The following STAG1 variants were observed in gnomAD, a reference collection of about 807,000 sequenced individuals.
The protein encoded by STAG1 is STAG1 cohesin complex component, also known as cohesin subunit SA-1.
Under a neutral mutation model 170.9 loss-of-function variants are expected in STAG1, and 26 were observed. The observed-to-expected ratio is 0.15, with a 90% confidence interval of 0.11 to 0.21. The LOEUF (loss-of-function observed/expected upper bound fraction) is 0.21, where lower values mean the gene tolerates loss of function less well. Ranked by LOEUF, STAG1 falls within the 10% of genes least tolerant of loss-of-function variation. The pLI is 1.00. For synonymous variants in STAG1, 514 were observed against 497.7 expected (o/e 1.03, Z -0.44); for missense variants, 964 against 1,509.5 (o/e 0.64, Z 5.99).
At chr3:136,365,158 G>A (rs1004473163) in intron 25 of STAG1, among the ~76,000 whole-genome samples, 5 of 152,058 alleles carry the variant, frequency 3.3e-5, no homozygotes, top group Non-Finnish European at 7.4e-5. Flanking sequence ...CTCACTTTTT[G>A]GAACCAATGA....
chr3:136,563,933 G>A (rs1371480884), intron 5 of STAG1, among the ~76,000 whole-genome samples: 1 of 152,016 alleles, frequency 6.6e-6, no homozygotes, highest in Non-Finnish European at 1.5e-5. Context: ...TGAGGCAGGA[G>A]AACTGCTTGA....
intron 22 of STAG1, among the ~76,000 whole-genome samples, chr3:136,378,067 TACTG>T (rs1937706439): frequency 1.3e-5 from 2 of 152,218 alleles, no homozygotes; most frequent in African/African-American, 4.8e-5. Flanking sequence ...TGACACACAT[TACTG>T]CTAGTAAAGT....
At chr3:136,378,956 T>C (rs949862781) in intron 22 of STAG1, among the ~76,000 whole-genome samples, 7 of 152,230 alleles carry the variant, frequency 4.6e-5, no homozygotes, top group Non-Finnish European at 1.0e-4. Flanking sequence ...CACTCTATTT[T>C]ATACAGATGA....
chr3:136,672,329 C>T (rs1942002941), intron 1 of STAG1, among the ~76,000 whole-genome samples: 1 of 152,148 alleles, frequency 6.6e-6, no homozygotes, highest in Admixed American at 6.5e-5. Context: ...CAACACAAAA[C>T]CTTAAATTGA....
At chr3:136,341,074 A>C (rs1935949464) in intron 31 of STAG1, among the ~76,000 whole-genome samples, 1 of 152,050 alleles carries the variant, frequency 6.6e-6, no homozygotes, top group South Asian at 2.1e-4. Context: ...ATGCCCGGCT[A>C]ATTTTTTGTA....
chr3:136,492,113 C>G (rs943903491), intron 9 of STAG1, among the ~76,000 whole-genome samples: 1 of 152,196 alleles, frequency 6.6e-6, no homozygotes, highest in Admixed American at 6.5e-5. Flanking sequence ...ACTTCCAGTA[C>G]GTGCAGTAAT....
chr3:136,655,117 A>G (rs1031690075), intron 1 of STAG1, among the ~76,000 whole-genome samples: 4 of 152,226 alleles, frequency 2.6e-5, no homozygotes, highest in Admixed American at 1.3e-4. Context: ...ACAGACAACA[A>G]AAGAAAAACA....
chr3:136,452,849 G>C (rs1254502668), intron 13 of STAG1, among the ~76,000 whole-genome samples: 1 of 152,084 alleles, frequency 6.6e-6, no homozygotes, highest in Non-Finnish European at 1.5e-5. Context: ...GAGTGCAGTG[G>C]CATGATCTCG....
At chr3:136,680,549 CG>C (rs1318414608) in intron 1 of STAG1, among the ~76,000 whole-genome samples, 1 of 151,742 alleles carries the variant, frequency 6.6e-6, no homozygotes. Context: ...AGGGATACAA[CG>C]GGAAGGAAAG....
At position 136,668,288 on chromosome 3, in the gene STAG1, GAT is replaced by G. The variant is rs1941863103; in HGVS notation, c.-83-37309_-83-37308del. Among the ~76,000 whole-genome samples, 5 of 143,162 alleles carry G rather than the reference GAT, an allele frequency of 3.5e-5. No individual in the cohort carries two copies. In the East Asian group the frequency reaches 8.0e-4, roughly 23 times the overall value. The allele number at this position is 143,162 out of a possible 152,430, so 93.9% of individuals were successfully genotyped here. A position where few individuals can be genotyped will look rare whatever the true frequency, so the allele number is the denominator to read the frequency against. ...ATTATACATAATATATATTATACAT[GAT>G]ATATAATATATATTATACATGACAT... On this transcript the variant is annotated intron_variant, in intron 1 of 33. Transcript: ENST00000383202.
rs150336471 is a variant in STAG1, at chr3:136,616,538, C to T, written c.132+6608G>A. 9.8e-4 allele frequency among the ~76,000 whole-genome samples: 149 copies of T among 152,186 alleles called. 1 individual carries two copies. Among genetic ancestry groups the T allele is most frequent in the African/African-American group, 3.5e-3 (146 of 41,530 alleles). Reference sequence around the variant, plus strand: ...TTCCTAAAGTGATCACAAAAGAGTGCACATTTAAGCTCCAAAAAAATTTTT... The same window carrying T: ...TTCCTAAAGTGATCACAAAAGAGTGTACATTTAAGCTCCAAAAAAATTTTT... On this transcript the variant is annotated intron_variant, in intron 3 of 33. Transcript: ENST00000383202.
chr3:136,382,547 T>G (rs1296594246), intron 22 of STAG1, among the ~76,000 whole-genome samples: 1 of 151,912 alleles, frequency 6.6e-6, no homozygotes, highest in African/African-American at 2.4e-5. Context: ...GGATTACAGG[T>G]GCCCACTGCC....
intron 29 of STAG1, among the ~76,000 whole-genome samples, chr3:136,345,288 C>T (rs537838613): frequency 2.0e-5 from 3 of 151,832 alleles, no homozygotes; most frequent in South Asian, 4.2e-4. Flanking sequence ...TGGGTTTCAC[C>T]ATGTTGGCCA....
rs1935738982 is a variant in STAG1, at chr3:136,337,571, TATAA to T, written c.*679_*682del. ...GGACATTTCTTATTTTATGCCCACTTATAAATAAAAATAAACCTTTTATTCAAGA... is the reference window on the plus strand; with the variant it reads ...GGACATTTCTTATTTTATGCCCACTTATAAAAATAAACCTTTTATTCAAGA... On this transcript the variant is annotated 3_prime_UTR_variant, in exon 34 of 34. Coordinates refer to ENST00000383202, the MANE Select transcript of STAG1 (RefSeq NM_005862.3). 1 of 152,682 alleles carries T rather than the reference TATAA, an allele frequency of 6.5e-6. No homozygotes were observed. The allele number at this position is 152,682 out of a possible 1,614,324, so 9.5% of individuals were successfully genotyped here.
intron 4 of STAG1, among the ~76,000 whole-genome samples, chr3:136,573,823 T>G (rs1937353092): frequency 6.6e-6 from 1 of 151,492 alleles, no homozygotes; most frequent in Non-Finnish European, 1.5e-5. Flanking sequence ...TACAAAAAAT[T>G]AGCGGGGCGT....
chr3:136,639,258 C>T (rs1194183707), intron 1 of STAG1, among the ~76,000 whole-genome samples: 1 of 151,192 alleles, frequency 6.6e-6, no homozygotes, highest in South Asian at 2.1e-4. Flanking sequence ...TCACTTGAGG[C>T]GAGGAGGTCA....
intron 22 of STAG1, among the ~76,000 whole-genome samples, chr3:136,393,590 CTTTTTTTTTTT>C (rs774648941): frequency 2.3e-5 from 3 of 130,132 alleles, no homozygotes; most frequent in Non-Finnish European, 3.3e-5. Flanking sequence ...TACGCTTCAT[CTTTTTTTTTTT>C]TTTTTTTTTT....
At chr3:136,420,976 C>T (rs772636680) in intron 20 of STAG1, 117 bp downstream of exon 20, 6 of 557,336 alleles carry the variant, frequency 1.1e-5, no homozygotes, top group Non-Finnish European at 1.6e-5. Flanking sequence ...GACAGGGTTT[C>T]GCCAGGCTGG....
chr3:136,704,293 C>T (rs1483167717), intron 1 of STAG1, among the ~76,000 whole-genome samples: 7 of 151,716 alleles, frequency 4.6e-5, no homozygotes, highest in Non-Finnish European at 8.8e-5. Context: ...TCAGGTGATC[C>T]GCCTGACTTG....
Sources: allele counts gnomAD v4.1 joint callset (sites outside exome capture counted in the v4.1 genomes callset), GRCh38; gene constraint gnomAD v4.1.1; transcripts MANE v1.5; gene names NCBI Gene and HGNC (gene_info 2026-07-23, HGNC 2026-07-21).